FAXDC2: variants seen among roughly 807,000 people sequenced by gnomAD.
FAXDC2 encodes fatty acid hydroxylase domain containing 2.
In FAXDC2, 41 loss-of-function variants were observed where a neutral mutation model predicts 40.9. The ratio of observed to expected loss-of-function variants is 1.00; its 90% CI spans 0.78 to 1.30. The LOEUF (loss-of-function observed/expected upper bound fraction) is 1.30. FAXDC2 is among the 50% of genes most tolerant of loss of function. The probability of loss-of-function intolerance (pLI) is 0.00; values close to 1 mark genes in which losing one functional copy is unlikely to be tolerated. For missense variants in FAXDC2, 390 were observed against 408.8 expected (o/e 0.95, Z 0.40); for synonymous variants, 157 against 149.3 (o/e 1.05, Z -0.38).
chr5:154,835,844 G>C (rs1760330229), intron 2 of FAXDC2, among the ~76,000 whole-genome samples: 1 of 141,294 alleles, frequency 7.1e-6, no homozygotes, highest in African/African-American at 2.6e-5. Context: ...GCCTCCCTAA[G>C]TGCTGGGATT....
rs570339826 is a variant in FAXDC2, at chr5:154,824,041, G to T, written c.367-449C>A. 8 of 218,962 alleles carry T rather than the reference G, an allele frequency of 3.7e-5. No individual in the cohort carries two copies. The East Asian group carries it at 8.6e-4, about 23-fold the overall frequency. 13.6% of individuals were successfully genotyped at this position (218,962 alleles called of 1,614,324 possible). ...TTGGATGCAGAGATCAAGATCATCT[G>T]CCTCCTCAAGTGGTCCAGCCTCCCT... On this transcript the variant is annotated intron_variant, in intron 5 of 8. Transcript: ENST00000326080.
chr5:154,823,673 A>C (rs1759945913), intron 5 of FAXDC2, 81 bp from the exon 6 acceptor site: 1 of 1,162,700 alleles, frequency 8.6e-7, no homozygotes, highest in Non-Finnish European at 1.3e-6. Flanking sequence ...GGAGGCCCTC[A>C]CTCTGGTTGG....
At position 154,830,837 on chromosome 5, in the gene FAXDC2, G is replaced by A; in HGVS notation, c.330C>T (p.Ile110=). Residue 110 remains isoleucine, a synonymous_variant, in exon 5 of 9, where the codon ATC becomes ATT. Coordinates refer to ENST00000326080, the MANE Select transcript of FAXDC2 (RefSeq NM_032385.5). The part of the protein sequence containing the change: ...VVDTTGKPNF[I]SRYRIQVGKN... ...TGCCGACCTGAATTCGGTAGCGAGA[G>A]ATGAAGTTAGGTTTTCCTGTTGTGT... 6.2e-7 allele frequency: 1 copy of A among 1,614,178 alleles called. No homozygotes were observed.
chr5:154,840,222 A>T (rs1760445944), intron 1 of FAXDC2, among the ~76,000 whole-genome samples: 1 of 152,212 alleles, frequency 6.6e-6, no homozygotes, highest in African/African-American at 2.4e-5. Flanking sequence ...ACTTTAGGAA[A>T]TAACTGCTCC....
At chr5:154,837,809 T>A (rs1355601013) in intron 2 of FAXDC2, among the ~76,000 whole-genome samples, 1 of 152,124 alleles carries the variant, frequency 6.6e-6, no homozygotes, top group African/African-American at 2.4e-5. Context: ...AGGAAAGTTA[T>A]AGAAAGGGGT....
At chr5:154,846,712 A>C (rs1760607644) in intron 1 of FAXDC2, among the ~76,000 whole-genome samples, 1 of 151,850 alleles carries the variant, frequency 6.6e-6, no homozygotes, top group Non-Finnish European at 1.5e-5. Context: ...ACAACAATGA[A>C]TGGATACTTC....
intron 1 of FAXDC2, among the ~76,000 whole-genome samples, chr5:154,849,907 C>G (rs79731697): frequency 0.026 from 3,948 of 152,314 alleles, 185 homozygotes; most frequent in African/African-American, 0.09. Flanking sequence ...CTAACGATTT[C>G]ACAACTGGAG....
At chr5:154,835,883 C>CTTTTTTTTTTTTTTTTTTTTTTTTTTTTT (rs869068025) in intron 2 of FAXDC2, among the ~76,000 whole-genome samples, 1 of 47,842 alleles carries the variant, frequency 2.1e-5, no homozygotes, top group East Asian at 4.5e-4. Context: ...GCCCGGCCGA[C>CTTTTTTTTTTTTTTTTTTTTTTTTTTTTT]TTTTTTTTTT....
At chr5:154,830,582 A>G (rs2113141134) in intron 5 of FAXDC2, 1 of 461,038 alleles carries the variant, frequency 2.2e-6, no homozygotes, top group Non-Finnish European at 3.9e-6. Flanking sequence ...CCAGGAATCA[A>G]GAGACCAGAA....
chr5:154,824,144 C>T, intron 5 of FAXDC2: 1 of 280,144 alleles, frequency 3.6e-6, no homozygotes, highest in East Asian at 7.2e-5. Flanking sequence ...CTGGTTTTCA[C>T]AGTGATGCTG....
intron 1 of FAXDC2, among the ~76,000 whole-genome samples, chr5:154,847,314 C>G (rs1760621406): frequency 6.6e-6 from 1 of 151,936 alleles, no homozygotes; most frequent in East Asian, 1.9e-4. Context: ...ATTAAAGAAT[C>G]CCCAATCTAG....
At position 154,823,545 on chromosome 5, in the gene FAXDC2, G is replaced by A. The variant is rs138784133; in HGVS notation, c.414C>T (p.Asn138=). 4.6e-5 allele frequency: 75 copies of A among 1,614,218 alleles called. No individual in the cohort carries two copies. In the African/African-American group the frequency reaches 8.5e-4, roughly 18 times the overall value. ...LRQSIRTVLF[N]QCMISFPMVV... is the part of the protein sequence containing the mutation. ...CCATGGGGAAAGATATCATGCACTG[G>A]TTGAAAAGAACTGTGCGGATAGACT... Residue 138 remains asparagine (N), a synonymous_variant, in exon 6 of 9, where the codon AAC becomes AAT. Transcript: ENST00000326080.
intron 4 of FAXDC2, among the ~76,000 whole-genome samples, chr5:154,833,706 G>A (rs141526273): frequency 1.3e-5 from 2 of 149,124 alleles, no homozygotes; most frequent in Non-Finnish European, 3.0e-5. Context: ...GTTTCACACT[G>A]TCGCCCAGCT....
rs201799523 is a variant in FAXDC2 at position 154,834,842 on chromosome 5, C to T, written c.140+1G>A. 4 of 1,610,708 alleles carry T rather than the reference C, an allele frequency of 2.5e-6. No homozygotes were observed. Among genetic ancestry groups the T allele is most frequent in the Admixed American group, 1.7e-5 (1 of 59,468 alleles). ...ACCCTAGCTGGGTGGAGCCGACTTA[C>T]CATGTCACTGAGTTCCAGAAGGCCA... On this transcript the variant is annotated splice_donor_variant, in intron 3 of 8. Transcript: ENST00000326080. LOFTEE classifies it high-confidence loss of function.
chr5:154,832,321 C>A (rs1220518656), intron 4 of FAXDC2, among the ~76,000 whole-genome samples: 2 of 151,460 alleles, frequency 1.3e-5, no homozygotes, highest in African/African-American at 4.9e-5. Context: ...TCACGCCATT[C>A]TCCTGCCTCA....
At position 154,848,256 on chromosome 5, in the gene FAXDC2, G is replaced by T. The variant is rs148932754; in HGVS notation, c.-1+2227C>A. Reference sequence around the variant, plus strand: ...TTACTCTTAGAGGGGGGAGAAAAAAGACCTCATGTTCATCTGGTCTACCCC... The same window carrying T: ...TTACTCTTAGAGGGGGGAGAAAAAATACCTCATGTTCATCTGGTCTACCCC... On this transcript the variant is annotated intron_variant, in intron 1 of 8. Coordinates refer to ENST00000326080, the MANE Select transcript of FAXDC2 (RefSeq NM_032385.5). 1.8e-3 allele frequency among the ~76,000 whole-genome samples: 281 copies of T among 152,232 alleles called. 1 individual carries two copies. The highest frequency in any genetic ancestry group is 6.7e-3 in the African/African-American group (279 of 41,530).
intron 4 of FAXDC2, among the ~76,000 whole-genome samples, chr5:154,833,068 G>A (rs1760232929): frequency 6.6e-6 from 1 of 150,554 alleles, no homozygotes; most frequent in South Asian, 2.1e-4. Flanking sequence ...ACAGGGTCTT[G>A]CTCTGTCACC....
chr5:154,827,420 T>TG (rs1191512451), intron 5 of FAXDC2, among the ~76,000 whole-genome samples: 4 of 134,806 alleles, frequency 3.0e-5, no homozygotes, highest in Non-Finnish European at 6.3e-5. Flanking sequence ...TTTCTGTTAT[T>TG]TTGTGTGTGT....
chr5:154,838,185 T>C lies in FAXDC2; in HGVS notation c.1-7A>G. 6.2e-7 allele frequency: 1 copy of C among 1,612,652 alleles called. No homozygotes were observed. The highest frequency in any genetic ancestry group is 8.5e-7 in the Non-Finnish European group (1 of 1,179,354). On this transcript the variant is annotated splice_polypyrimidine_tract_variant and splice_region_variant and intron_variant, in intron 1 of 8. Transcript: ENST00000326080. ...GTCCAGCTTCTCCTTTCATCTGGAA[T>C]GAGAAAGCACAGGCGAGCCGGGGAG...
Sources: gnomAD v4.1 joint callset for allele counts (sites outside exome capture counted in the v4.1 genomes callset) on GRCh38, gnomAD v4.1.1 for gene constraint, MANE v1.5 for transcripts, NCBI Gene and HGNC (gene_info 2026-07-23, HGNC 2026-07-21) for gene names.